Variants in RAB6B observed in about 807,000 individuals in gnomAD.
RAB6B encodes the protein RAB6B, member RAS oncogene family, also known as ras-related protein Rab-6B.
RAB6B carries 7 observed loss-of-function variants against 31.2 expected under a neutral mutation model. The observed-to-expected ratio is 0.22, with a 90% CI of 0.13 to 0.42. The LOEUF (loss-of-function observed/expected upper bound fraction) is 0.42, where lower values mean the gene tolerates loss of function less well. Among genes scored for constraint, RAB6B ranks in the 10% least tolerant of loss-of-function variants. The pLI is 1.00. For missense variants in RAB6B, 149 were observed against 280.6 expected, an observed-to-expected ratio of 0.53 and a Z score of 3.35; for synonymous variants, 105 against 104.9, an observed-to-expected ratio of 1.00 and a Z score of -0.01.
intron 2 of RAB6B, among the ~76,000 whole-genome samples, chr3:133,857,894 C>T (rs1417449751): frequency 6.6e-6 from 1 of 152,178 alleles, no homozygotes; most frequent in Admixed American, 6.5e-5. Flanking sequence ...TGCCATCTCT[C>T]CTAGGGCCCT....
At chr3:133,855,738 T>C (rs932688460) in intron 2 of RAB6B, among the ~76,000 whole-genome samples, 1 of 152,200 alleles carries the variant, frequency 6.6e-6, no homozygotes, top group African/African-American at 2.4e-5. Context: ...TACTAAAGCC[T>C]GGAGCAGAGA....
intron 1 of RAB6B, among the ~76,000 whole-genome samples, chr3:133,874,945 T>G (rs980288793): frequency 2.0e-5 from 3 of 152,198 alleles, no homozygotes; most frequent in Admixed American, 2.0e-4. Context: ...TCAAGGGCAG[T>G]AACACACACG....
chr3:133,879,003 C>T (rs555373510), intron 1 of RAB6B, among the ~76,000 whole-genome samples: 3 of 152,102 alleles, frequency 2.0e-5, no homozygotes, highest in Non-Finnish European at 2.9e-5. Context: ...AAAGTCTGAC[C>T]GACCTGGGTT....
At chr3:133,874,170 T>C (rs1452465515) in intron 1 of RAB6B, among the ~76,000 whole-genome samples, 1 of 152,224 alleles carries the variant, frequency 6.6e-6, no homozygotes, top group African/African-American at 2.4e-5. Flanking sequence ...TGGATATGCA[T>C]AGTTCAAACC....
intron 1 of RAB6B, among the ~76,000 whole-genome samples, chr3:133,876,907 A>C (rs184959878): frequency 0.01 from 1,556 of 152,284 alleles, 26 homozygotes; most frequent in African/African-American, 0.036. Context: ...CACACACAAA[A>C]AAAAAAGGTC....
intron 4 of RAB6B, among the ~76,000 whole-genome samples, 184 bp downstream of exon 4, chr3:133,841,101 A>G (rs1183127685): frequency 6.6e-6 from 1 of 152,028 alleles, no homozygotes; most frequent in African/African-American, 2.4e-5. Context: ...AGTGGAAACC[A>G]TGTTGGTGTT....
rs1935558103 is a variant in RAB6B at position 133,826,110 on chromosome 3, G to A, written c.*2678C>T. On this transcript the variant is annotated 3_prime_UTR_variant, in exon 8 of 8. Transcript: ENST00000285208. ...GGCTGCCTTTCCACACCCCAGGAAG[G>A]GAGGGGCGGAAACCGCACGTGCCGA... 6.6e-6 allele frequency: 1 copy of A among 152,254 alleles called. No individual in the cohort carries two copies. 9.4% of individuals were successfully genotyped at this position (152,254 alleles called of 1,614,324 possible).
chr3:133,853,673 C>G (rs1455512142), intron 2 of RAB6B, among the ~76,000 whole-genome samples: 2 of 152,106 alleles, frequency 1.3e-5, no homozygotes, highest in Non-Finnish European at 2.9e-5. Flanking sequence ...TCTGAGTGCT[C>G]TGCCAACACC....
At chr3:133,842,756 T>A (rs1021882620) in intron 2 of RAB6B, among the ~76,000 whole-genome samples, 13 of 152,252 alleles carry the variant, frequency 8.5e-5, no homozygotes, top group African/African-American at 2.9e-4. Context: ...TCTGCTAACA[T>A]GTTAATAGCA....
In RAB6B at chr3:133,828,049, T is replaced by TG; in HGVS notation, c.*738dup. ...AGGGCACAGAGAACACAAGGTTGCC[T>TG]GTACCCTCAACCCCCTTCAAGGCTT... is the stretch of plus-strand genomic sequence containing the variant. On this transcript the variant is annotated 3_prime_UTR_variant, in exon 8 of 8. Transcript: ENST00000285208. The TG allele has an allele frequency of 4.3e-6, 3 of 698,972 alleles. No homozygotes were observed. The South Asian group carries it at 4.5e-5, about 10-fold the overall frequency. The allele number at this position is 698,972 out of a possible 1,614,324, so 43.3% of individuals were successfully genotyped here.
At chr3:133,893,933 G>C (rs1423094660) in intron 1 of RAB6B, among the ~76,000 whole-genome samples, 1 of 152,134 alleles carries the variant, frequency 6.6e-6, no homozygotes, top group Non-Finnish European at 1.5e-5. Context: ...CTGGCTGGCT[G>C]AGTGGATCTT....
At chr3:133,875,936 A>G (rs1017031315) in intron 1 of RAB6B, among the ~76,000 whole-genome samples, 5 of 152,232 alleles carry the variant, frequency 3.3e-5, no homozygotes, top group African/African-American at 9.6e-5. Flanking sequence ...ACTATCCGGC[A>G]TGCGACTACT....
At chr3:133,831,896 A>G (rs1188691168) in intron 7 of RAB6B, among the ~76,000 whole-genome samples, 1 of 152,090 alleles carries the variant, frequency 6.6e-6, no homozygotes, top group Non-Finnish European at 1.5e-5. Flanking sequence ...TGCTTCCCCA[A>G]TCCCAGTGCC....
rs1935594986 is a variant in RAB6B at position 133,827,877 on chromosome 3, C to T, written c.*911G>A. 2.9e-6 allele frequency: 2 copies of T among 700,474 alleles called. No homozygotes were observed. Among genetic ancestry groups the T allele is most frequent in the African/African-American group, 1.8e-5 (1 of 57,060 alleles). 43.4% of individuals were successfully genotyped at this position (700,474 alleles called of 1,614,324 possible). ...CACACTGAGTTTCTTAGACTTGGCC[C>T]AGGCATGTGTACTGACTGCTGGGTG... On this transcript the variant is annotated 3_prime_UTR_variant, in exon 8 of 8. Coordinates refer to ENST00000285208, the MANE Select transcript of RAB6B (RefSeq NM_016577.4).
At chr3:133,873,263 C>T (rs1326597305) in intron 1 of RAB6B, among the ~76,000 whole-genome samples, 3 of 152,208 alleles carry the variant, frequency 2.0e-5, no homozygotes, top group South Asian at 4.1e-4. Flanking sequence ...GATGGCTGGT[C>T]CTCCAGCTCC....
chr3:133,831,754 G>A (rs1026968172), intron 7 of RAB6B, among the ~76,000 whole-genome samples: 2 of 152,150 alleles, frequency 1.3e-5, no homozygotes, highest in South Asian at 4.1e-4. Flanking sequence ...GAGCACACCC[G>A]CCTCTTCCCT....
intron 2 of RAB6B, among the ~76,000 whole-genome samples, chr3:133,857,874 C>T (rs1442208216): frequency 6.6e-6 from 1 of 152,162 alleles, no homozygotes; most frequent in African/African-American, 2.4e-5. Flanking sequence ...TTGGCCCCTT[C>T]CACTTCCTGT....
rs1324197193 is a variant in RAB6B, at chr3:133,889,439, TATA to T, written c.70+5955_70+5957del. Among the ~76,000 whole-genome samples, 9 of 93,104 alleles carry T rather than the reference TATA, an allele frequency of 9.7e-5. 1 individual carries two copies. The highest frequency in any genetic ancestry group is 1.5e-4 in the African/African-American group (4 of 26,472). 61.1% of individuals were successfully genotyped at this position (93,104 alleles called of 152,430 possible). ...ATATATATATATATATATATATATA[TATA>T]TATTTATTTTGGGATGGAGTTTTGC... On this transcript the variant is annotated intron_variant, in intron 1 of 7. Transcript: ENST00000285208.
intron 1 of RAB6B, among the ~76,000 whole-genome samples, chr3:133,881,155 C>A (rs866065756): frequency 2.6e-5 from 4 of 152,178 alleles, no homozygotes; most frequent in Non-Finnish European, 5.9e-5. Context: ...GGCACCAGGG[C>A]AAGGAGATGG....
Sources: allele counts gnomAD v4.1 joint callset (sites outside exome capture counted in the v4.1 genomes callset), GRCh38; gene constraint gnomAD v4.1.1; transcripts MANE v1.5; gene names NCBI Gene and HGNC (gene_info 2026-07-23, HGNC 2026-07-21).